Variants in CELA2A observed in about 807,000 individuals in gnomAD.
The protein encoded by CELA2A is chymotrypsin like elastase 2A.
In CELA2A, 31 loss-of-function variants were observed where a neutral mutation model predicts 35.3. The observed-to-expected ratio is 0.88, with a 90% CI of 0.66 to 1.19. CELA2A has a LOEUF of 1.19. CELA2A is among the 50% of genes most tolerant of loss of function. The pLI, the probability that CELA2A is intolerant of heterozygous loss-of-function variation, is 0.00. For missense variants in CELA2A, 330 were observed against 352.9 expected (o/e 0.94, Z 0.52); for synonymous variants, 150 against 149.8 (o/e 1.00, Z -0.01).
At position 15,467,338 on chromosome 1, in the gene CELA2A, C is replaced by T. The variant is rs112204220; in HGVS notation, c.640-48C>T. Reference sequence around the variant, plus strand: ...CATTGAGAACAATGGTTCCAATGGGCAGCCCCTTCCTCTCCCTTTACCTGC... The same window carrying T: ...CATTGAGAACAATGGTTCCAATGGGTAGCCCCTTCCTCTCCCTTTACCTGC... On this transcript the variant is annotated intron_variant, in intron 6 of 7. Transcript: ENST00000359621. 91 of 1,578,862 alleles carry T rather than the reference C, an allele frequency of 5.8e-5. 4 individuals are homozygous for T. Among genetic ancestry groups the T allele is most frequent in the African/African-American group, 5.0e-4 (37 of 74,378 alleles).
At chr1:15,463,350 A>G in intron 4 of CELA2A, 36 bp from the exon 5 acceptor site, 1 of 1,612,282 alleles carries the variant, frequency 6.2e-7, no homozygotes, top group Non-Finnish European at 8.5e-7. Context: ...GGAAAAGTCA[A>G]CCCGGTCCTC....
chr1:15,466,687 G>A lies in CELA2A; in HGVS notation c.639+543G>A, dbSNP rs1307993133. 7.2e-5 allele frequency among the ~76,000 whole-genome samples: 11 copies of A among 152,086 alleles called. No individual in the cohort carries two copies. The East Asian group carries it at 1.9e-3, about 27-fold the overall frequency. ...TCCCTGGGTCTCATCAAGGTCTCTC[G>A]TGACTGTCACTATGTATCCTTTCCT... On this transcript the variant is annotated intron_variant, in intron 6 of 7. Transcript: ENST00000359621.
chr1:15,465,974 A>G (rs202191222), intron 5 of CELA2A, 25 bp from the exon 6 acceptor site: 12 of 1,613,492 alleles, frequency 7.4e-6, no homozygotes, highest in African/African-American at 2.7e-5. Flanking sequence ...TGCATCCCTA[A>G]TGGCTTCTCT....
intron 2 of CELA2A, among the ~76,000 whole-genome samples, chr1:15,458,372 A>G (rs1259296124): frequency 2.6e-5 from 4 of 152,172 alleles, no homozygotes; most frequent in African/African-American, 7.2e-5. Context: ...CTTTGTTTCC[A>G]TATAAATAAC....
chr1:15,466,249 A>C, intron 6 of CELA2A, 105 bp downstream of exon 6: 2 of 1,325,776 alleles, frequency 1.5e-6, no homozygotes, highest in Admixed American at 2.0e-5. Context: ...TCCTGGCAGA[A>C]TTACCCCGAA....
At chr1:15,458,484 A>G (rs761979590) in intron 2 of CELA2A, among the ~76,000 whole-genome samples, 6 of 152,216 alleles carry the variant, frequency 3.9e-5, no homozygotes, top group Non-Finnish European at 7.3e-5. Context: ...AACCCAGCTG[A>G]ATCAGGATGA....
chr1:15,465,105 G>A (rs564720756), intron 5 of CELA2A, among the ~76,000 whole-genome samples: 32 of 137,906 alleles, frequency 2.3e-4, no homozygotes, highest in South Asian at 1.9e-3. Context: ...TCTGCCTCCC[G>A]AGCTCAAGCG....
At chr1:15,463,595 G>C (rs748102442) in intron 5 of CELA2A, 73 bp downstream of exon 5, 2 of 1,602,988 alleles carry the variant, frequency 1.2e-6, no homozygotes, top group Middle Eastern at 1.7e-4. Context: ...TCTGGCCGGG[G>C]CCTCTCACCT....
rs147028490 is a variant in CELA2A at position 15,466,091 on chromosome 1, G to T, written c.586G>T (p.Val196Leu). ...CAGCTCTGCCTGGTGGGGCAGCAGCGTGAAAACCAGTATGATCTGTGCTGG... is the reference window on the plus strand; with the variant it reads ...CAGCTCTGCCTGGTGGGGCAGCAGCTTGAAAACCAGTATGATCTGTGCTGG... The part of the protein sequence containing the change: ...CSSSAWWGSS[V>L]KTSMICAGGD... The change falls in exon 6 of 8, where the codon GTG becomes TTG. Residue 196 changes from valine (V) to leucine (L), a missense_variant. Transcript: ENST00000359621. 3.7e-6 allele frequency: 6 copies of T among 1,614,118 alleles called. No homozygotes were observed. In the African/African-American group the frequency reaches 5.3e-5, roughly 14 times the overall value.
intron 5 of CELA2A, 102 bp from the exon 6 acceptor site, chr1:15,465,897 A>G (rs570681201): frequency 2.9e-6 from 4 of 1,387,930 alleles, no homozygotes; most frequent in East Asian, 2.3e-5. Context: ...GCATGTTGCA[A>G]TGGATGGAAG....
chr1:15,458,351 C>T (rs1260697248), intron 2 of CELA2A, among the ~76,000 whole-genome samples: 1 of 117,074 alleles, frequency 8.5e-6, no homozygotes, highest in Admixed American at 9.2e-5. Flanking sequence ...CAGTCTCTTC[C>T]AAGCATTTAA....
Position 15,456,786 on chromosome 1 carries a change from G to A in CELA2A, c.33G>A (p.Val11=), listed in dbSNP as rs1323284624. 20 of 1,614,056 alleles carry A rather than the reference G, an allele frequency of 1.2e-5. No individual in the cohort carries two copies. Among genetic ancestry groups the A allele is most frequent in the Non-Finnish European group, 1.4e-5 (17 of 1,180,034 alleles). Residue 11 remains valine (V), a synonymous_variant, in exon 1 of 8, where the codon GTG becomes GTA. Transcript: ENST00000359621. ...GGACGCTGCTGCTGTCCACTTTGGTGGCTGGAGGTAAGTCCTGTTACCCAG... is the reference window on the plus strand; with the variant it reads ...GGACGCTGCTGCTGTCCACTTTGGTAGCTGGAGGTAAGTCCTGTTACCCAG... The part of the protein sequence containing the change: MIRTLLLSTL[V]AGALSCGDPT...
In CELA2A at chr1:15,462,872, G is replaced by A. The variant is rs768691083; in HGVS notation, c.356+11G>A. 1.9e-6 allele frequency: 3 copies of A among 1,614,106 alleles called. No individual in the cohort carries two copies. The highest frequency in any genetic ancestry group is 2.2e-5 in the East Asian group (1 of 44,886). ...CCAAATCTCCAAAGGGTTCGTTTCTGTCTGGGTGCACTTGGGGGTGAGGTT... is the reference window on the plus strand; with the variant it reads ...CCAAATCTCCAAAGGGTTCGTTTCTATCTGGGTGCACTTGGGGGTGAGGTT... On this transcript the variant is annotated intron_variant, in intron 4 of 7. Transcript: ENST00000359621.
chr1:15,457,480 C>A, intron 2 of CELA2A: 1 of 296,750 alleles, frequency 3.4e-6, no homozygotes, highest in South Asian at 4.4e-5. Flanking sequence ...TGTGGTGGCA[C>A]ACGCCTGTAA....
In CELA2A at chr1:15,462,858, A is replaced by G. The variant is rs1455165816; in HGVS notation, c.353A>G (p.Lys118Arg). The change falls in exon 4 of 8, where the codon AAA becomes AGA. Residue 118 changes from lysine to arginine, a missense_variant. By Grantham distance (26) the Lys-to-Arg change is conservative (BLOSUM62 2). Coordinates refer to ENST00000359621, the MANE Select transcript of CELA2A (RefSeq NM_033440.3). ...HKDWNSNQIS[K>R]GNDIALLKLA... Reference sequence around the variant, plus strand: ...GACTGGAACTCCAACCAAATCTCCAAAGGGTTCGTTTCTGTCTGGGTGCAC... The same window carrying G: ...GACTGGAACTCCAACCAAATCTCCAGAGGGTTCGTTTCTGTCTGGGTGCAC... The G allele has an allele frequency of 6.2e-7, 1 of 1,613,842 alleles. No individual in the cohort carries two copies. Among genetic ancestry groups the G allele is most frequent in the South Asian group, 1.1e-5 (1 of 91,070 alleles).
At chr1:15,460,530 C>T (rs1314822784) in intron 2 of CELA2A, among the ~76,000 whole-genome samples, 5 of 152,196 alleles carry the variant, frequency 3.3e-5, no homozygotes, top group South Asian at 4.1e-4. Flanking sequence ...TCACCTCCCT[C>T]CCCTCTGCTT....
chr1:15,461,379 G>A (rs1414217155), intron 2 of CELA2A, among the ~76,000 whole-genome samples, 182 bp from the exon 3 acceptor site: 1 of 152,120 alleles, frequency 6.6e-6, no homozygotes, highest in African/African-American at 2.4e-5. Flanking sequence ...TTTTCATGTA[G>A]ATTGCATTAA....
chr1:15,456,993 G>A (rs576068169), intron 1 of CELA2A, 93 bp from the exon 2 acceptor site: 3 of 1,378,090 alleles, frequency 2.2e-6, no homozygotes, highest in East Asian at 4.7e-5. Flanking sequence ...TAGAACAAGG[G>A]TTTTCTATTT....
At chr1:15,461,174 C>T (rs1002817524) in intron 2 of CELA2A, among the ~76,000 whole-genome samples, 14 of 152,112 alleles carry the variant, frequency 9.2e-5, no homozygotes, top group African/African-American at 2.2e-4. Flanking sequence ...CCAGGTCCCT[C>T]GCACGACAAA....
Sources: gnomAD v4.1 joint callset for allele counts (sites outside exome capture counted in the v4.1 genomes callset) on GRCh38, gnomAD v4.1.1 for gene constraint, MANE v1.5 for transcripts, NCBI Gene and HGNC (gene_info 2026-07-23, HGNC 2026-07-21) for gene names.